Variants in TGS1 observed in about 807,000 individuals in gnomAD.
TGS1 encodes trimethylguanosine synthase 1, also known as trimethylguanosine synthase.
Under a neutral mutation model 92.2 loss-of-function variants are expected in TGS1, and 69 were observed. That is an observed-to-expected ratio of 0.75 (90% confidence interval 0.62 to 0.91). The LOEUF is 0.91. Among genes scored for constraint, TGS1 ranks in the 40% least tolerant of loss-of-function variants. The pLI is 0.00. For synonymous variants in TGS1, 345 were observed against 338.1 expected, an observed-to-expected ratio of 1.02 and a Z score of -0.22; for missense variants, 1,062 against 1,001.2, an observed-to-expected ratio of 1.06 and a Z score of -0.82.
chr8:55,822,575 A>G (rs1211525136), intron 12 of TGS1, among the ~76,000 whole-genome samples: 1 of 151,268 alleles, frequency 6.6e-6, no homozygotes, highest in Non-Finnish European at 1.5e-5. Flanking sequence ...CCTTTCTTGT[A>G]AAAAAACCAG....
intron 1 of TGS1, among the ~76,000 whole-genome samples, chr8:55,778,439 T>C (rs549691751): frequency 1.3e-5 from 2 of 152,328 alleles, no homozygotes; most frequent in Admixed American, 1.3e-4. Context: ...CAACTGATGT[T>C]CTGTTCAGAC....
chr8:55,798,841 A>G, intron 7 of TGS1, 73 bp from the exon 8 acceptor site: 1 of 1,256,914 alleles, frequency 8.0e-7, no homozygotes, highest in Non-Finnish European at 1.1e-6. Context: ...TCAAGTCACA[A>G]ATTGTAATAG....
chr8:55,819,356 G>A (rs530615790), intron 12 of TGS1, among the ~76,000 whole-genome samples: 2 of 141,652 alleles, frequency 1.4e-5, no homozygotes, highest in Non-Finnish European at 3.0e-5. Context: ...GAGTGCAATG[G>A]CCTGATCTCA....
At chr8:55,791,763 A>C (rs1165141984) in intron 5 of TGS1, among the ~76,000 whole-genome samples, 1 of 152,214 alleles carries the variant, frequency 6.6e-6, no homozygotes, top group Non-Finnish European at 1.5e-5. Context: ...AACCAAATAA[A>C]AGTTCTTTTT....
At chr8:55,804,537 G>A (rs1040407054) in intron 9 of TGS1, among the ~76,000 whole-genome samples, 1 of 152,204 alleles carries the variant, frequency 6.6e-6, no homozygotes, top group Non-Finnish European at 1.5e-5. Context: ...AGCGGAGTGT[G>A]GGGGAGCTAG....
chr8:55,812,840 A>G (rs1038675658), intron 11 of TGS1, among the ~76,000 whole-genome samples, 200 bp from the exon 12 acceptor site: 1 of 152,198 alleles, frequency 6.6e-6, no homozygotes, highest in Non-Finnish European at 1.5e-5. Context: ...TTCAACTGTC[A>G]GTCTTTGAAT....
chr8:55,789,654 C>T (rs909456576), intron 4 of TGS1, among the ~76,000 whole-genome samples: 21 of 152,120 alleles, frequency 1.4e-4, no homozygotes, highest in African/African-American at 3.6e-4. Flanking sequence ...AATCAGGCAG[C>T]CCCAAGAGCC....
chr8:55,783,215 A>G (rs193267540), intron 2 of TGS1, among the ~76,000 whole-genome samples: 6 of 152,260 alleles, frequency 3.9e-5, no homozygotes, highest in African/African-American at 1.4e-4. Context: ...GGTCAGGAGT[A>G]CGAGACCAGC....
At chr8:55,805,812 G>A (rs1401300759) in intron 10 of TGS1, among the ~76,000 whole-genome samples, 1 of 150,928 alleles carries the variant, frequency 6.6e-6, no homozygotes, top group Non-Finnish European at 1.5e-5. Context: ...AACCTAGGAG[G>A]CAGAGGTTGC....
At chr8:55,790,331 G>C in intron 5 of TGS1, 32 bp downstream of exon 5, 1 of 1,432,402 alleles carries the variant, frequency 7.0e-7, no homozygotes, top group East Asian at 2.3e-5. Context: ...TCACCAGAGC[G>C]TGTTAGAGTA....
At chr8:55,781,039 G>A (rs1384700970) in intron 1 of TGS1, among the ~76,000 whole-genome samples, 7 of 152,142 alleles carry the variant, frequency 4.6e-5, no homozygotes, top group South Asian at 4.1e-4. Flanking sequence ...GGTTCCTTTC[G>A]TGGAAAATAG....
At position 55,826,153 on chromosome 8, in the gene TGS1, T is replaced by C. The variant is rs981106673; in HGVS notation, c.*1450T>C. Among the ~76,000 whole-genome samples, 1 of 152,182 alleles carries C rather than the reference T, an allele frequency of 6.6e-6. No homozygotes were observed. Among genetic ancestry groups the C allele is most frequent in the Admixed American group, 6.5e-5 (1 of 15,274 alleles). ...GCGTGAGCCACCGCGCCTGGCTTTA[T>C]GTAGCATTCTTAAAGTCACTAGGGA... is the stretch of plus-strand genomic sequence containing the variant. On this transcript the variant is annotated 3_prime_UTR_variant, in exon 13 of 13. Coordinates refer to ENST00000260129, the MANE Select transcript of TGS1 (RefSeq NM_024831.8).
intron 12 of TGS1, among the ~76,000 whole-genome samples, chr8:55,818,583 A>G (rs78764099): frequency 6.5e-4 from 99 of 152,368 alleles, no homozygotes; most frequent in African/African-American, 2.2e-3. Context: ...CTGCTGCACA[A>G]TTAGAGCAGA....
chr8:55,803,739 G>A (rs1348032008), intron 9 of TGS1, among the ~76,000 whole-genome samples: 9 of 144,654 alleles, frequency 6.2e-5, no homozygotes, highest in South Asian at 4.3e-4. Flanking sequence ...TGTCACCCAC[G>A]CTGGAGTACA....
intron 9 of TGS1, among the ~76,000 whole-genome samples, chr8:55,803,172 G>C (rs1319640904): frequency 1.3e-5 from 2 of 151,442 alleles, no homozygotes; most frequent in Non-Finnish European, 2.9e-5. Context: ...TTCAGACTTG[G>C]GTTTAATCTG....
chr8:55,789,058 G>A (rs1811801486), intron 4 of TGS1, among the ~76,000 whole-genome samples: 1 of 152,104 alleles, frequency 6.6e-6, no homozygotes, highest in Non-Finnish European at 1.5e-5. Context: ...ATGAATTTGA[G>A]GGTTTTAGAT....
intron 7 of TGS1, among the ~76,000 whole-genome samples, chr8:55,797,148 C>T: frequency 6.6e-6 from 1 of 152,196 alleles, no homozygotes; most frequent in East Asian, 1.9e-4. Context: ...TTAATTGACT[C>T]ACAGTTCTGC....
chr8:55,782,046 A>G (rs1811579310), intron 1 of TGS1, among the ~76,000 whole-genome samples: 1 of 152,212 alleles, frequency 6.6e-6, no homozygotes, highest in Non-Finnish European at 1.5e-5. Context: ...ATTTATATGT[A>G]TGTAAGCTAA....
At chr8:55,779,648 G>A (rs1228788578) in intron 1 of TGS1, among the ~76,000 whole-genome samples, 1 of 152,150 alleles carries the variant, frequency 6.6e-6, no homozygotes, top group Non-Finnish European at 1.5e-5. Flanking sequence ...CTTTTAGGAA[G>A]CCCTCCTTCT....
Sources: gnomAD v4.1 joint callset for allele counts (sites outside exome capture counted in the v4.1 genomes callset) on GRCh38, gnomAD v4.1.1 for gene constraint, MANE v1.5 for transcripts, NCBI Gene and HGNC (gene_info 2026-07-23, HGNC 2026-07-21) for gene names.